FER: variants seen among roughly 807,000 people sequenced by gnomAD.
FER encodes FER tyrosine kinase.
A neutral mutation model predicts 111.0 loss-of-function variants in FER; 63 were observed. That is an observed-to-expected ratio of 0.57 (90% CI 0.46 to 0.70). FER has a LOEUF of 0.70. FER is among the 30% of genes least tolerant of loss of function. The pLI, the probability that FER is intolerant of heterozygous loss-of-function variation, is 0.00. For synonymous variants in FER, 327 were observed against 313.9 expected, an observed-to-expected ratio of 1.04 and a Z score of -0.44; for missense variants, 914 against 954.0, an observed-to-expected ratio of 0.96 and a Z score of 0.55.
intron 5 of FER, among the ~76,000 whole-genome samples, chr5:108,853,587 A>C (rs1193047622): frequency 6.6e-6 from 1 of 152,196 alleles, no homozygotes; most frequent in African/African-American, 2.4e-5. Flanking sequence ...AGGTAGAGGG[A>C]ATAACCAAAC....
intron 10 of FER, among the ~76,000 whole-genome samples, chr5:108,925,358 CTA>C (rs1753590737): frequency 6.6e-6 from 1 of 151,800 alleles, no homozygotes; most frequent in African/African-American, 2.4e-5. Flanking sequence ...TGATATGTAG[CTA>C]TATAGTTCAA....
At chr5:108,852,250 G>A (rs1260268259) in intron 5 of FER, among the ~76,000 whole-genome samples, 2 of 152,140 alleles carry the variant, frequency 1.3e-5, no homozygotes, top group South Asian at 2.1e-4. Flanking sequence ...ATTATGAATA[G>A]TTTGTGATAT....
intron 11 of FER, among the ~76,000 whole-genome samples, chr5:108,951,045 C>T (rs543173647): frequency 2.6e-5 from 4 of 151,976 alleles, no homozygotes; most frequent in South Asian, 2.1e-4. Flanking sequence ...CTCGGGCAGG[C>T]GGATCATGAG....
chr5:108,893,539 T>A (rs1748526867), intron 9 of FER, among the ~76,000 whole-genome samples: 1 of 152,114 alleles, frequency 6.6e-6, no homozygotes, highest in Non-Finnish European at 1.5e-5. Context: ...TTTTATAATC[T>A]GGCCAAAATG....
chr5:108,980,795 G>T (rs1293845203), intron 13 of FER, among the ~76,000 whole-genome samples: 1 of 152,000 alleles, frequency 6.6e-6, no homozygotes, highest in Non-Finnish European at 1.5e-5. Context: ...ATCCTCTGTG[G>T]GTCTGACCCT....
In FER at chr5:109,124,482, C is replaced by T. The variant is rs369599991; in HGVS notation, c.2048+23963C>T. On this transcript the variant is annotated intron_variant, in intron 17 of 19. Transcript: ENST00000281092. ...CCAGAATGGCTTTGTGGAGCCTCCTCTCTTCCTCTGTATTCAGAAAAGTAT... is the reference window on the plus strand; with the variant it reads ...CCAGAATGGCTTTGTGGAGCCTCCTTTCTTCCTCTGTATTCAGAAAAGTAT... Among the ~76,000 whole-genome samples, 17 of 152,356 alleles carry T rather than the reference C, an allele frequency of 1.1e-4. 1 individual carries two copies. The East Asian group carries it at 3.1e-3, about 28-fold the overall frequency.
At chr5:109,049,011 G>C (rs557308880) in intron 16 of FER, among the ~76,000 whole-genome samples, 10 of 152,056 alleles carry the variant, frequency 6.6e-5, no homozygotes, top group African/African-American at 2.2e-4. Flanking sequence ...TTTATTATTT[G>C]TTTTTACAAA....
chr5:108,913,994 G>A (rs77586651), intron 10 of FER, among the ~76,000 whole-genome samples: 23,267 of 152,084 alleles, frequency 0.15, 1,916 homozygotes, highest in Non-Finnish European at 0.17. Context: ...CCCTTGGTAG[G>A]GTGGGTGTAG....
At chr5:109,054,909 C>T (rs572211567) in intron 16 of FER, among the ~76,000 whole-genome samples, 18 of 152,174 alleles carry the variant, frequency 1.2e-4, no homozygotes, top group Admixed American at 2.6e-4. Context: ...TTATATGTGT[C>T]TCTATTTTTG....
chr5:109,136,315 TA>T (rs2126605920), intron 17 of FER, among the ~76,000 whole-genome samples: 1 of 151,268 alleles, frequency 6.6e-6, no homozygotes, highest in East Asian at 2.0e-4. Flanking sequence ...AAAAATAAAA[TA>T]AAAACAATAA....
chr5:108,790,023 T>C (rs1175996954), intron 2 of FER, among the ~76,000 whole-genome samples: 2 of 152,224 alleles, frequency 1.3e-5, no homozygotes, highest in Non-Finnish European at 2.9e-5. Flanking sequence ...ATACAGTTTT[T>C]TTTAAAAAAT....
chr5:109,073,928 G>T (rs941832446), intron 16 of FER, among the ~76,000 whole-genome samples: 7 of 152,134 alleles, frequency 4.6e-5, no homozygotes, highest in Non-Finnish European at 8.8e-5. Context: ...TGTTTACTTG[G>T]ATAAAGCTTT....
In FER at chr5:108,894,472, T is replaced by C. The variant is rs1279416904; in HGVS notation, c.1047-3187T>C. On this transcript the variant is annotated intron_variant, in intron 9 of 19. Transcript: ENST00000281092. ...ATGAAGCAGTTCTTCACTGATAACA[T>C]GTGAGGATATTTCTCAGAGTCTATG... 3 of 401,932 alleles carry C rather than the reference T, an allele frequency of 7.5e-6. No homozygotes were observed. In the East Asian group the frequency reaches 1.7e-4, roughly 23 times the overall value. 24.9% of individuals were successfully genotyped at this position (401,932 alleles called of 1,614,324 possible).
intron 9 of FER, among the ~76,000 whole-genome samples, chr5:108,897,194 A>T (rs1490459454): frequency 6.6e-6 from 1 of 152,154 alleles, no homozygotes. Context: ...CCAGACACAC[A>T]TCCCTCACAA....
chr5:108,968,688 C>T (rs1452412137), intron 13 of FER, among the ~76,000 whole-genome samples: 5 of 151,614 alleles, frequency 3.3e-5, no homozygotes, highest in African/African-American at 4.8e-5. Context: ...AAACTAAAAG[C>T]ATAAAGGAAT....
chr5:108,818,623 C>G (rs1758518642), intron 3 of FER, among the ~76,000 whole-genome samples: 1 of 152,058 alleles, frequency 6.6e-6, no homozygotes, highest in Admixed American at 6.6e-5. Flanking sequence ...GTCTTTTTCA[C>G]TGTGTTAAAG....
chr5:109,122,535 G>A (rs140762592), intron 17 of FER, among the ~76,000 whole-genome samples: 1 of 150,018 alleles, frequency 6.7e-6, no homozygotes, highest in East Asian at 1.9e-4. Context: ...AAAAAAAAAG[G>A]CATGTTCTGC....
rs770017609 is a variant in FER, at chr5:108,867,926, T to C, written c.641T>C (p.Met214Thr). 1.3e-5 allele frequency: 21 copies of C among 1,607,510 alleles called. No homozygotes were observed. The highest frequency in any genetic ancestry group is 1.8e-5 in the Non-Finnish European group (21 of 1,178,070). ...CTGCTTCTGGACTCCTTACAAAAGA[T>C]GCAAGAAGAAATGATAAAAGCACTG... ...LPLLLDSLQK[M>T]QEEMIKALKG... Residue 214 changes from methionine (M) to threonine (T), a missense_variant, in exon 6 of 20, where the codon ATG becomes ACG. Met to Thr is a moderately conservative substitution (Grantham distance 81). Coordinates refer to ENST00000281092, the MANE Select transcript of FER (RefSeq NM_005246.4).
rs148204193 is a variant in FER at position 109,187,221 on chromosome 5, A to G, written c.2327-212A>G. Among the ~76,000 whole-genome samples the G allele has an allele frequency of 6.6e-3, 1,001 of 152,346 alleles. 16 individuals carry two copies. The highest frequency in any genetic ancestry group is 0.023 in the African/African-American group (952 of 41,572). ...TTTCTGAGAAATGAACAAATAAAAAATGTTCTTTGAATTAGAACTCTAAGA... is the reference window on the plus strand; with the variant it reads ...TTTCTGAGAAATGAACAAATAAAAAGTGTTCTTTGAATTAGAACTCTAAGA... On this transcript the variant is annotated intron_variant, in intron 19 of 19. Coordinates refer to ENST00000281092, the MANE Select transcript of FER (RefSeq NM_005246.4).
Sources: gnomAD v4.1 joint callset for allele counts (sites outside exome capture counted in the v4.1 genomes callset) on GRCh38, gnomAD v4.1.1 for gene constraint, MANE v1.5 for transcripts, NCBI Gene and HGNC (gene_info 2026-07-23, HGNC 2026-07-21) for gene names.